DGKB: variants seen among roughly 807,000 people sequenced by gnomAD.
The protein encoded by DGKB is diacylglycerol kinase beta, also known as 90 kDa diacylglycerol kinase.
Under a neutral mutation model 114.3 loss-of-function variants are expected in DGKB, and 67 were observed. The observed-to-expected ratio is 0.59, with a 90% CI of 0.48 to 0.72. The LOEUF is 0.72. Among genes scored for constraint, DGKB ranks in the 30% least tolerant of loss-of-function variants. The pLI is 0.00. For synonymous variants in DGKB, 398 were observed against 323.1 expected (o/e 1.23, Z -2.49); for missense variants, 907 against 975.2 (o/e 0.93, Z 0.93).
chr7:14,964,776 A>C (rs929224420), intron 1 of DGKB, among the ~76,000 whole-genome samples: 4 of 151,508 alleles, frequency 2.6e-5, no homozygotes, highest in Non-Finnish European at 4.4e-5. Context: ...GATAAGATGC[A>C]AAAGGGATAA....
At chr7:14,184,672 C>G (rs1314397412) in intron 23 of DGKB, among the ~76,000 whole-genome samples, 1 of 151,984 alleles carries the variant, frequency 6.6e-6, no homozygotes, top group East Asian at 1.9e-4. Context: ...CCCTGCCCTC[C>G]TCCTGATTGT....
At position 14,805,388 on chromosome 7, in the gene DGKB, TG is replaced by T. The variant is rs200414137; in HGVS notation, c.70+35805del. On this transcript the variant is annotated intron_variant, in intron 2 of 25. Coordinates refer to ENST00000402815, the MANE Select transcript of DGKB (RefSeq NM_001350709.2). ...TTCTAGCTGCTTCTTTCTTTTTCTC[TG>T]TATATACTGTCCCAAGCAGCAGGCA... is the stretch of plus-strand genomic sequence containing the variant. Among the ~76,000 whole-genome samples the T allele has an allele frequency of 7.2e-5, 11 of 152,076 alleles. No homozygotes were observed. In the East Asian group the frequency reaches 2.1e-3, roughly 29 times the overall value.
chr7:14,397,112 T>C (rs1414583847), intron 21 of DGKB, among the ~76,000 whole-genome samples: 1 of 152,122 alleles, frequency 6.6e-6, no homozygotes, highest in Non-Finnish European at 1.5e-5. Context: ...AAGGGTTACA[T>C]GTTTTCTCGC....
intron 13 of DGKB, among the ~76,000 whole-genome samples, chr7:14,637,724 A>G (rs967776885): frequency 5.3e-5 from 8 of 151,920 alleles, no homozygotes; most frequent in Non-Finnish European, 1.2e-4. Context: ...AGTGAGAGAA[A>G]TAATGGTTCC....
chr7:14,282,848 T>A (rs141089679), intron 23 of DGKB, among the ~76,000 whole-genome samples: 4 of 152,054 alleles, frequency 2.6e-5, no homozygotes, highest in Non-Finnish European at 4.4e-5. Context: ...AATTAGGTAT[T>A]GATGGGACAT....
chr7:14,898,220 T>C (rs1782415738), intron 1 of DGKB, among the ~76,000 whole-genome samples: 1 of 151,878 alleles, frequency 6.6e-6, no homozygotes, highest in South Asian at 2.1e-4. Flanking sequence ...GGAGTTTGGG[T>C]GTCCAAAAGT....
intron 1 of DGKB, among the ~76,000 whole-genome samples, chr7:14,947,053 T>G (rs17168533): frequency 0.04 from 6,025 of 151,532 alleles, 349 homozygotes; most frequent in African/African-American, 0.13. Flanking sequence ...TTACTTAAGA[T>G]AAGAATTAAA....
chr7:14,179,236 G>A (rs1302381749), intron 23 of DGKB, among the ~76,000 whole-genome samples: 1 of 152,206 alleles, frequency 6.6e-6, no homozygotes, highest in Non-Finnish European at 1.5e-5. Context: ...ATCCCACACA[G>A]TCCTGTCCCA....
intron 2 of DGKB, among the ~76,000 whole-genome samples, chr7:14,759,907 C>T (rs910347711): frequency 1.3e-5 from 2 of 152,166 alleles, no homozygotes; most frequent in East Asian, 3.8e-4. Context: ...TCTCTATATC[C>T]TTGCCAAAAC....
chr7:14,486,231 C>T (rs1484891960), intron 20 of DGKB, among the ~76,000 whole-genome samples: 1 of 152,124 alleles, frequency 6.6e-6, no homozygotes, highest in Non-Finnish European at 1.5e-5. Context: ...AAAGTAGTAG[C>T]TATACACTGG....
Position 14,673,041 on chromosome 7 carries a change from A to C in DGKB, c.1036-14T>G. 1 of 1,496,496 alleles carries C rather than the reference A, an allele frequency of 6.7e-7. No homozygotes were observed. The highest frequency in any genetic ancestry group is 9.1e-7 in the Non-Finnish European group (1 of 1,094,270). 92.7% of individuals were successfully genotyped at this position (1,496,496 alleles called of 1,614,324 possible). ...TTTATTATGCAGCTAGAAAAACAGA[A>C]AGGGGGATAGTATCAAATTCTACAT... is the stretch of plus-strand genomic sequence containing the variant. On this transcript the variant is annotated splice_polypyrimidine_tract_variant and intron_variant, in intron 12 of 25. Transcript: ENST00000402815.
At chr7:14,658,794 A>G (rs575786399) in intron 13 of DGKB, among the ~76,000 whole-genome samples, 2 of 152,072 alleles carry the variant, frequency 1.3e-5, no homozygotes, top group African/African-American at 4.8e-5. Context: ...ATTAATTTTA[A>G]TACTAAAGAA....
chr7:14,677,379 G>T (rs1201037420), intron 12 of DGKB, among the ~76,000 whole-genome samples: 6 of 151,972 alleles, frequency 3.9e-5, no homozygotes, highest in Admixed American at 3.9e-4. Context: ...TGGTTCACCT[G>T]TTACACTGGC....
intron 2 of DGKB, 74 bp from the exon 3 acceptor site, chr7:14,757,805 G>T: frequency 1.4e-6 from 1 of 715,614 alleles, no homozygotes; most frequent in South Asian, 1.8e-5. Context: ...CAGAAACAGA[G>T]ACCACTTAAA....
At chr7:14,817,414 C>T (rs948740213) in intron 2 of DGKB, among the ~76,000 whole-genome samples, 1 of 151,928 alleles carries the variant, frequency 6.6e-6, no homozygotes, top group African/African-American at 2.4e-5. Flanking sequence ...TGAAATCTAG[C>T]CAGATGCTAT....
chr7:14,783,228 C>T (rs909031963), intron 2 of DGKB, among the ~76,000 whole-genome samples: 86 of 152,196 alleles, frequency 5.7e-4, no homozygotes, highest in African/African-American at 1.7e-3. Context: ...GATCAAATTA[C>T]GTGAATTTTA....
intron 23 of DGKB, among the ~76,000 whole-genome samples, chr7:14,291,441 C>T (rs1801752265): frequency 6.6e-6 from 1 of 152,118 alleles, no homozygotes; most frequent in South Asian, 2.1e-4. Flanking sequence ...CATGAGACTG[C>T]ACTGCTTGAA....
At chr7:14,852,702 T>G (rs1849576758) in intron 1 of DGKB, among the ~76,000 whole-genome samples, 1 of 152,094 alleles carries the variant, frequency 6.6e-6, no homozygotes, top group South Asian at 2.1e-4. Flanking sequence ...CCCGCCAGGA[T>G]AGAATACCGA....
intron 23 of DGKB, among the ~76,000 whole-genome samples, chr7:14,211,481 T>C (rs1340861488): frequency 4.0e-5 from 2 of 50,158 alleles, no homozygotes; most frequent in East Asian, 6.5e-4. Flanking sequence ...TACTCTCATG[T>C]TTTGTGATAT....
Sources: gnomAD v4.1 joint callset for allele counts (sites outside exome capture counted in the v4.1 genomes callset) on GRCh38, gnomAD v4.1.1 for gene constraint, MANE v1.5 for transcripts, NCBI Gene and HGNC (gene_info 2026-07-23, HGNC 2026-07-21) for gene names.